DPP10: variants seen among roughly 807,000 people sequenced by gnomAD.
DPP10 encodes the protein inactive dipeptidyl peptidase 10.
In DPP10, 33 loss-of-function variants were observed where a neutral mutation model predicts 120.9. The ratio of observed to expected loss-of-function variants is 0.27; its 90% CI spans 0.21 to 0.37. The LOEUF (loss-of-function observed/expected upper bound fraction) is 0.37, where lower values mean the gene tolerates loss of function less well. Among genes scored for constraint, DPP10 ranks in the 10% least tolerant of loss-of-function variants. The pLI, the probability that DPP10 is intolerant of heterozygous loss-of-function variation, is 1.00. For synonymous variants in DPP10, 337 were observed against 326.1 expected, an observed-to-expected ratio of 1.03 and a Z score of -0.36; for missense variants, 816 against 942.8, an observed-to-expected ratio of 0.87 and a Z score of 1.76.
intron 5 of DPP10, among the ~76,000 whole-genome samples, chr2:115,651,836 T>G (rs1419744509): frequency 6.6e-6 from 1 of 152,118 alleles, no homozygotes; most frequent in African/African-American, 2.4e-5. Context: ...TTATTGTTTT[T>G]ACCAACAGTG....
intron 5 of DPP10, among the ~76,000 whole-genome samples, chr2:115,679,340 T>A (rs903573316): frequency 6.6e-6 from 1 of 151,812 alleles, no homozygotes; most frequent in African/African-American, 2.4e-5. Context: ...ACCTTCATGC[T>A]GTTCTCATGA....
chr2:115,734,780 A>T (rs2092995994), intron 8 of DPP10, among the ~76,000 whole-genome samples: 1 of 151,864 alleles, frequency 6.6e-6, no homozygotes, highest in Admixed American at 6.6e-5. Context: ...TGTATAACTC[A>T]TGTCTCCTTA....
intron 7 of DPP10, among the ~76,000 whole-genome samples, chr2:115,710,795 T>C (rs576010172): frequency 6.6e-6 from 1 of 152,240 alleles, no homozygotes; most frequent in South Asian, 2.1e-4. Flanking sequence ...AATCATGCAG[T>C]TAATAAAATA....
At chr2:115,057,119 T>C (rs1013583665) in intron 1 of DPP10, among the ~76,000 whole-genome samples, 1 of 152,176 alleles carries the variant, frequency 6.6e-6, no homozygotes, top group Admixed American at 6.5e-5. Flanking sequence ...TACCTGAAAA[T>C]CTTTTACAGC....
At chr2:114,837,665 A>G (rs2106435125) in intron 1 of DPP10, among the ~76,000 whole-genome samples, 1 of 152,322 alleles carries the variant, frequency 6.6e-6, no homozygotes, top group East Asian at 1.9e-4. Context: ...GATTAGGCTC[A>G]TCTATGCTGT....
intron 1 of DPP10, among the ~76,000 whole-genome samples, chr2:115,086,452 CTTTTTTT>C (rs70941026): frequency 8.5e-5 from 9 of 106,464 alleles, no homozygotes; most frequent in Non-Finnish European, 1.0e-4. Flanking sequence ...CAATGTATTT[CTTTTTTT>C]TTTTTTTTTT....
chr2:115,030,766 C>T (rs2105238102), intron 1 of DPP10, among the ~76,000 whole-genome samples: 1 of 152,200 alleles, frequency 6.6e-6, no homozygotes, highest in African/African-American at 2.4e-5. Context: ...CATCAGTTTG[C>T]ATGCTGGTGA....
chr2:115,047,136 A>G (rs1705128232), intron 1 of DPP10, among the ~76,000 whole-genome samples: 1 of 152,110 alleles, frequency 6.6e-6, no homozygotes, highest in Non-Finnish European at 1.5e-5. Context: ...TCCATTAAAC[A>G]ATTAAGATAA....
intron 19 of DPP10, among the ~76,000 whole-genome samples, chr2:115,791,988 A>G (rs1684041213): frequency 6.6e-6 from 1 of 152,190 alleles, no homozygotes; most frequent in Non-Finnish European, 1.5e-5. Flanking sequence ...TAGCATATTG[A>G]TATAATAGTG....
rs565527781 is a variant in DPP10, at chr2:114,616,628, C to T, written c.60+173790C>T. On this transcript the variant is annotated intron_variant, in intron 1 of 25. Transcript: ENST00000410059. ...GGACTGTTTGCTCACAACATTATCA[C>T]GGTTAAGGAAAGAAGCTGGTTAATA... 3.9e-5 allele frequency among the ~76,000 whole-genome samples: 6 copies of T among 152,092 alleles called. No individual in the cohort carries two copies. In the South Asian group the frequency reaches 6.2e-4, roughly 16 times the overall value.
At chr2:114,717,808 G>A (rs923464828) in intron 1 of DPP10, among the ~76,000 whole-genome samples, 1 of 152,058 alleles carries the variant, frequency 6.6e-6, no homozygotes, top group Admixed American at 6.6e-5. Flanking sequence ...TGATAAAGCT[G>A]GAACTAGAAA....
chr2:115,417,335 T>G (rs773492410), intron 3 of DPP10, among the ~76,000 whole-genome samples: 1 of 152,150 alleles, frequency 6.6e-6, no homozygotes, highest in Non-Finnish European at 1.5e-5. Context: ...TGATGTCGAC[T>G]TCTTTCTAAA....
At chr2:114,538,571 A>G (rs183198894) in intron 1 of DPP10, among the ~76,000 whole-genome samples, 2 of 152,212 alleles carry the variant, frequency 1.3e-5, no homozygotes, top group East Asian at 1.9e-4. Context: ...CTGTTGCTCT[A>G]TTGTTTCTTA....
At chr2:115,026,866 T>G (rs756701509) in intron 1 of DPP10, among the ~76,000 whole-genome samples, 1 of 152,156 alleles carries the variant, frequency 6.6e-6, no homozygotes, top group Admixed American at 6.5e-5. Flanking sequence ...AGAATATCCT[T>G]GGTATTTTGA....
chr2:115,432,672 T>TGTGTGTGTGTGTGTGC (rs2071113365), intron 3 of DPP10, among the ~76,000 whole-genome samples: 1 of 148,214 alleles, frequency 6.7e-6, no homozygotes, highest in Admixed American at 6.7e-5. Context: ...TGTGTGTGTG[T>TGTGTGTGTGTGTGTGC]GTGTGTGTGT....
intron 1 of DPP10, among the ~76,000 whole-genome samples, chr2:115,030,466 G>A (rs1458015938): frequency 2.0e-5 from 3 of 152,160 alleles, no homozygotes; most frequent in Admixed American, 6.5e-5. Context: ...GTCATGTAAG[G>A]AGTGATTTTC....
chr2:115,210,718 G>A (rs551295110), intron 1 of DPP10, among the ~76,000 whole-genome samples: 1 of 152,164 alleles, frequency 6.6e-6, no homozygotes, highest in Non-Finnish European at 1.5e-5. Context: ...ATTCTAACTG[G>A]TGTGAGATGG....
chr2:114,748,638 G>C (rs1385344679), intron 1 of DPP10, among the ~76,000 whole-genome samples: 4 of 81,370 alleles, frequency 4.9e-5, no homozygotes, highest in Non-Finnish European at 9.0e-5. Flanking sequence ...CCACCTATGA[G>C]TGAGAATATG....
At chr2:114,825,032 G>A (rs1686410964) in intron 1 of DPP10, among the ~76,000 whole-genome samples, 1 of 152,158 alleles carries the variant, frequency 6.6e-6, no homozygotes, top group Non-Finnish European at 1.5e-5. Flanking sequence ...TTAACTCAAT[G>A]CTGTGGAAGG....
Sources: gnomAD v4.1 joint callset for allele counts (sites outside exome capture counted in the v4.1 genomes callset) on GRCh38, gnomAD v4.1.1 for gene constraint, MANE v1.5 for transcripts, NCBI Gene and HGNC (gene_info 2026-07-23, HGNC 2026-07-21) for gene names.